The following TFCP2 variants were observed in gnomAD, a reference collection of about 807,000 sequenced individuals.
TFCP2 encodes transcription factor CP2, also known as alpha-globin transcription factor CP2.
Under a neutral mutation model 73.4 loss-of-function variants are expected in TFCP2, and 33 were observed. That is an observed-to-expected ratio of 0.45 (90% CI 0.34 to 0.60). The LOEUF (loss-of-function observed/expected upper bound fraction) is 0.60, where lower values mean the gene tolerates loss of function less well. Among genes scored for constraint, TFCP2 ranks in the 20% least tolerant of loss-of-function variants. TFCP2 has a pLI of 0.01. For missense variants in TFCP2, 352 were observed against 604.0 expected (o/e 0.58, Z 4.37); for synonymous variants, 193 against 211.6 (o/e 0.91, Z 0.76).
intron 1 of TFCP2, among the ~76,000 whole-genome samples, chr12:51,151,732 G>A (rs1038167849): frequency 3.9e-5 from 6 of 152,060 alleles, no homozygotes; most frequent in South Asian, 2.1e-4. Context: ...CACCACGCCC[G>A]GCCAATACCT....
intron 3 of TFCP2, among the ~76,000 whole-genome samples, chr12:51,117,005 ACT>A (rs1414580809): frequency 6.6e-6 from 1 of 152,040 alleles, no homozygotes; most frequent in African/African-American, 2.4e-5. Flanking sequence ...GGAATAAAGT[ACT>A]CCTGTCTGAA....
rs1368029367 is a variant in TFCP2 at position 51,112,000 on chromosome 12, AT to A, written c.458-1018del. Among the ~76,000 whole-genome samples, 4 of 152,120 alleles carry A rather than the reference AT, an allele frequency of 2.6e-5. No homozygotes were observed. The East Asian group carries it at 7.7e-4, about 29-fold the overall frequency. ...GGCGAAACCCCGTCTCTACTAAAAA[AT>A]ACAAAAATTAGCCAGGCATGGTAGT... On this transcript the variant is annotated intron_variant, in intron 4 of 14. Coordinates refer to ENST00000257915, the MANE Select transcript of TFCP2 (RefSeq NM_005653.5).
At chr12:51,104,862 C>T (rs1940191537) in intron 8 of TFCP2, among the ~76,000 whole-genome samples, 1 of 151,786 alleles carries the variant, frequency 6.6e-6, no homozygotes, top group Admixed American at 6.6e-5. Flanking sequence ...CAGGCGCCTG[C>T]CACTACACCC....
In TFCP2 at chr12:51,131,158, T is replaced by A. The variant is rs1940935736; in HGVS notation, c.123-12386A>T. Among the ~76,000 whole-genome samples the A allele has an allele frequency of 2.0e-5, 3 of 148,108 alleles. No individual in the cohort carries two copies. In the South Asian group the frequency reaches 6.4e-4, roughly 31 times the overall value. On this transcript the variant is annotated intron_variant, in intron 1 of 14. Coordinates refer to ENST00000257915, the MANE Select transcript of TFCP2 (RefSeq NM_005653.5). ...TCCTGGCCAACATGGTGAAACCCCA[T>A]CTCTACTAAAAAAAAAAAAACAAAA...
chr12:51,097,324 C>A (rs907621188), intron 13 of TFCP2, among the ~76,000 whole-genome samples: 9 of 152,004 alleles, frequency 5.9e-5, no homozygotes, highest in African/African-American at 1.5e-4. Flanking sequence ...TCTTGGCTCA[C>A]CGCAACCTCT....
intron 9 of TFCP2, 152 bp downstream of exon 9, chr12:51,104,002 CA>C (rs1940172447): frequency 2.4e-6 from 2 of 829,838 alleles, no homozygotes; most frequent in Non-Finnish European, 4.0e-6. Flanking sequence ...TAGTCCCTAG[CA>C]CAGTATCTGG....
intron 1 of TFCP2, among the ~76,000 whole-genome samples, chr12:51,124,192 T>C (rs1940747322): frequency 6.6e-6 from 1 of 151,802 alleles, no homozygotes; most frequent in East Asian, 1.9e-4. Flanking sequence ...AATTCCTGGG[T>C]TCAAGGGATC....
intron 1 of TFCP2, among the ~76,000 whole-genome samples, chr12:51,161,236 G>A (rs749699442): frequency 3.9e-5 from 6 of 152,072 alleles, no homozygotes; most frequent in Non-Finnish European, 7.4e-5. Context: ...AACAAATGCA[G>A]CTTTCGTAAG....
At chr12:51,103,626 GA>G (rs1418732742) in intron 10 of TFCP2, 43 bp downstream of exon 10, 1 of 1,550,332 alleles carries the variant, frequency 6.5e-7, no homozygotes, top group East Asian at 2.2e-5. Flanking sequence ...GAATGCAAAG[GA>G]AAATTTCATG....
intron 1 of TFCP2, among the ~76,000 whole-genome samples, chr12:51,166,655 G>A (rs1045933865): frequency 5.9e-5 from 9 of 152,024 alleles, no homozygotes; most frequent in African/African-American, 1.7e-4. Flanking sequence ...GCTCAATTAC[G>A]CTTGTGCAGA....
intron 1 of TFCP2, among the ~76,000 whole-genome samples, chr12:51,154,465 G>A (rs558407755): frequency 1.3e-5 from 2 of 152,280 alleles, no homozygotes; most frequent in African/African-American, 2.4e-5. Flanking sequence ...AGGCCGAGGC[G>A]GGTGGATCAC....
At chr12:51,110,389 C>T (rs10876137) in intron 5 of TFCP2, among the ~76,000 whole-genome samples, 28,027 of 151,922 alleles carry the variant, frequency 0.18, 3,607 homozygotes, top group African/African-American at 0.34. Context: ...GCTAGCATGG[C>T]GAAATCCCAC....
intron 1 of TFCP2, among the ~76,000 whole-genome samples, chr12:51,160,125 C>G (rs1407782005): frequency 7.0e-6 from 1 of 142,728 alleles, no homozygotes; most frequent in East Asian, 2.1e-4. Context: ...TCCCAGAATC[C>G]TCTCTGAATT....
chr12:51,104,165 G>A lies in TFCP2; in HGVS notation c.956C>T (p.Pro319Leu). The change falls in exon 9 of 15, where the codon CCA becomes CTA. Residue 319 changes from proline (P) to leucine (L), a missense_variant. Coordinates refer to ENST00000257915, the MANE Select transcript of TFCP2 (RefSeq NM_005653.5). ...SPNHQPEPPPPVTDNLLPTTT... is the reference protein window; with the variant it reads ...SPNHQPEPPPLVTDNLLPTTT... Reference sequence around the variant, plus strand: ...CAACTTTAGACTTACATCTGTGACTGGAGGGGGTGGCTCTGGCTGGTGGTT... The same window carrying A: ...CAACTTTAGACTTACATCTGTGACTAGAGGGGGTGGCTCTGGCTGGTGGTT... 6.2e-7 allele frequency: 1 copy of A among 1,614,034 alleles called. No homozygotes were observed. The highest frequency in any genetic ancestry group is 8.5e-7 in the Non-Finnish European group (1 of 1,179,956).
At chr12:51,109,475 A>C (rs1368641262) in intron 5 of TFCP2, among the ~76,000 whole-genome samples, 1 of 152,230 alleles carries the variant, frequency 6.6e-6, no homozygotes, top group Non-Finnish European at 1.5e-5. Flanking sequence ...AAACAAAATA[A>C]AAGTACAGAT....
chr12:51,095,285 A>C lies in TFCP2; in HGVS notation c.1472-7T>G, dbSNP rs368579625. On this transcript the variant is annotated splice_region_variant and splice_polypyrimidine_tract_variant and intron_variant, in intron 14 of 14. Coordinates refer to ENST00000257915, the MANE Select transcript of TFCP2 (RefSeq NM_005653.5). ...TAGCTATCATTGGTTTCTGCTGTTA[A>C]AAAAAAGAGAGAGAGAGAATCATCT... 439 of 1,613,694 alleles carry C rather than the reference A, an allele frequency of 2.7e-4. No individual in the cohort carries two copies. The highest frequency in any genetic ancestry group is 3.2e-4 in the Non-Finnish European group (383 of 1,179,908).
intron 1 of TFCP2, chr12:51,124,681 C>T (rs559211768): frequency 1.6e-6 from 1 of 632,280 alleles, no homozygotes; most frequent in Non-Finnish European, 3.0e-6. Flanking sequence ...ATCAGGCCGT[C>T]CCCCGCGGTG....
At chr12:51,150,692 AC>A (rs924331324) in intron 1 of TFCP2, among the ~76,000 whole-genome samples, 12 of 152,302 alleles carry the variant, frequency 7.9e-5, no homozygotes, top group African/African-American at 2.9e-4. Flanking sequence ...ATCACAGCAA[AC>A]AACAACAACA....
At chr12:51,159,517 T>C (rs1168572359) in intron 1 of TFCP2, among the ~76,000 whole-genome samples, 1 of 151,762 alleles carries the variant, frequency 6.6e-6, no homozygotes, top group Non-Finnish European at 1.5e-5. Flanking sequence ...TTTTGTATTT[T>C]TAGTAGAGAC....
Sources: allele counts gnomAD v4.1 joint callset (sites outside exome capture counted in the v4.1 genomes callset), GRCh38; gene constraint gnomAD v4.1.1; transcripts MANE v1.5; gene names NCBI Gene and HGNC (gene_info 2026-07-23, HGNC 2026-07-21).